RGS7: variants seen among roughly 807,000 people sequenced by gnomAD.
RGS7 encodes regulator of G protein signaling 7.
A neutral mutation model predicts 81.1 loss-of-function variants in RGS7; 27 were observed. That is an observed-to-expected ratio of 0.33 (90% CI 0.25 to 0.46). The LOEUF (loss-of-function observed/expected upper bound fraction) is 0.46. RGS7 is among the 20% of genes least tolerant of loss of function. The probability of loss-of-function intolerance (pLI) is 1.00; values close to 1 mark genes in which losing one functional copy is unlikely to be tolerated. For missense variants in RGS7, 396 were observed against 607.4 expected, an observed-to-expected ratio of 0.65 and a Z score of 3.66; for synonymous variants, 208 against 207.7, an observed-to-expected ratio of 1.00 and a Z score of -0.01.
intron 9 of RGS7, among the ~76,000 whole-genome samples, chr1:240,831,221 G>A (rs955376316): frequency 6.6e-6 from 1 of 152,132 alleles, no homozygotes; most frequent in Non-Finnish European, 1.5e-5. Flanking sequence ...TCATGGGACA[G>A]CTAATGGTTC....
intron 3 of RGS7, among the ~76,000 whole-genome samples, chr1:240,984,625 T>C (rs1685396003): frequency 6.6e-6 from 1 of 152,190 alleles, no homozygotes; most frequent in South Asian, 2.1e-4. Flanking sequence ...TGTATGTGAA[T>C]TGTTTGCATA....
chr1:241,166,885 C>T lies in RGS7; in HGVS notation c.79-68123G>A, dbSNP rs568696556. On this transcript the variant is annotated intron_variant, in intron 2 of 18. Transcript: ENST00000440928. ...TTCCTTCCAGAAGGCAGAATCAGGC[C>T]CCATGGAGTAAACCCCATATTCTCT... is the stretch of plus-strand genomic sequence containing the variant. Among the ~76,000 whole-genome samples, 45 of 152,212 alleles carry T rather than the reference C, an allele frequency of 3.0e-4. No homozygotes were observed. The Middle Eastern group carries it at 0.017, about 58-fold the overall frequency.
chr1:240,787,406 G>A (rs755499959), intron 18 of RGS7, among the ~76,000 whole-genome samples: 9 of 152,160 alleles, frequency 5.9e-5, no homozygotes, highest in Non-Finnish European at 1.3e-4. Context: ...ACAGGAACTT[G>A]CTTTAAACAA....
chr1:241,150,625 A>G (rs1024879138), intron 2 of RGS7, among the ~76,000 whole-genome samples: 1 of 152,204 alleles, frequency 6.6e-6, no homozygotes, highest in African/African-American at 2.4e-5. Flanking sequence ...AGACATCTTG[A>G]TATGTAGCCC....
At chr1:241,107,880 G>A (rs115809365) in intron 2 of RGS7, among the ~76,000 whole-genome samples, 434 of 152,224 alleles carry the variant, frequency 2.9e-3, no homozygotes, top group Non-Finnish European at 4.5e-3. Context: ...AAAGGCATTC[G>A]TTATCACCTT....
chr1:240,951,049 G>C (rs929217754), intron 4 of RGS7, among the ~76,000 whole-genome samples: 15 of 151,928 alleles, frequency 9.9e-5, no homozygotes, highest in African/African-American at 3.1e-4. Flanking sequence ...AGCCTTCCAA[G>C]TAGCTGAGAC....
intron 2 of RGS7, among the ~76,000 whole-genome samples, chr1:241,130,809 A>G (rs563563660): frequency 1.1e-3 from 162 of 151,040 alleles, no homozygotes; most frequent in Middle Eastern, 3.4e-3. Context: ...TTTTATTTTT[A>G]TAACATCCCT....
intron 9 of RGS7, among the ~76,000 whole-genome samples, chr1:240,840,538 G>A (rs866614828): frequency 4.0e-4 from 61 of 152,218 alleles, no homozygotes; most frequent in African/African-American, 1.4e-3. Context: ...TGCACAAAGT[G>A]CTGGGATTTC....
chr1:240,874,872 C>A (rs1665102912), intron 6 of RGS7, among the ~76,000 whole-genome samples: 1 of 152,014 alleles, frequency 6.6e-6, no homozygotes, highest in Non-Finnish European at 1.5e-5. Context: ...GAAACCCTAT[C>A]TCTACTAAAA....
intron 2 of RGS7, among the ~76,000 whole-genome samples, chr1:241,183,426 A>G (rs1204990394): frequency 1.3e-5 from 2 of 152,142 alleles, no homozygotes; most frequent in African/African-American, 4.8e-5. Flanking sequence ...AAATAACTAA[A>G]CAGGCCCTGT....
At chr1:240,999,173 T>G (rs1189916034) in intron 3 of RGS7, among the ~76,000 whole-genome samples, 2 of 151,976 alleles carry the variant, frequency 1.3e-5, no homozygotes, top group African/African-American at 4.8e-5. Flanking sequence ...TAACTTCTAT[T>G]TCTTTGCTGA....
chr1:241,192,252 C>CGTGTGTGTGTGTGT (rs56677676), intron 2 of RGS7, among the ~76,000 whole-genome samples: 4 of 124,676 alleles, frequency 3.2e-5, no homozygotes, highest in African/African-American at 1.3e-4. Context: ...TCTGTCTGCA[C>CGTGTGTGTGTGTGT]GTGTGTGTGT....
chr1:240,920,731 A>T (rs1266121402), intron 6 of RGS7: 39 of 593,610 alleles, frequency 6.6e-5, no homozygotes, highest in South Asian at 5.8e-4. Flanking sequence ...TGCTACAAAG[A>T]AGACATGTTT....
chr1:241,182,159 G>T (rs548579092), intron 2 of RGS7, among the ~76,000 whole-genome samples: 3 of 152,094 alleles, frequency 2.0e-5, no homozygotes, highest in African/African-American at 7.2e-5. Flanking sequence ...GTCCATTCAC[G>T]TCCCTGAACT....
At chr1:240,955,888 T>C (rs1680327887) in intron 4 of RGS7, among the ~76,000 whole-genome samples, 1 of 151,970 alleles carries the variant, frequency 6.6e-6, no homozygotes, top group Admixed American at 6.6e-5. Context: ...AATTGTATTA[T>C]AGACCTAAAT....
At chr1:241,094,193 T>G (rs1392105094) in intron 3 of RGS7, among the ~76,000 whole-genome samples, 1 of 151,090 alleles carries the variant, frequency 6.6e-6, no homozygotes, top group Non-Finnish European at 1.5e-5. Flanking sequence ...CACAGGGGCA[T>G]TACCCAGCCC....
intron 2 of RGS7, among the ~76,000 whole-genome samples, chr1:241,311,057 C>T (rs4660065): frequency 1.1e-4 from 17 of 152,074 alleles, no homozygotes; most frequent in Non-Finnish European, 1.3e-4. Context: ...TGATTCCTCG[C>T]TTATAAAATA....
At chr1:241,216,105 A>G (rs2074538164) in intron 2 of RGS7, among the ~76,000 whole-genome samples, 1 of 151,248 alleles carries the variant, frequency 6.6e-6, no homozygotes, top group South Asian at 2.1e-4. Context: ...CCCCATCTCT[A>G]TTAAAATATA....
In RGS7 at chr1:240,806,312, A is replaced by G. The variant is rs1404588640; in HGVS notation, c.1097T>C (p.Val366Ala). The G allele has an allele frequency of 5.6e-6, 9 of 1,613,714 alleles. No homozygotes were observed. The highest frequency in any genetic ancestry group is 7.6e-6 in the Non-Finnish European group (9 of 1,179,860). The change falls in exon 15 of 19, where the codon GTG (valine) becomes GCG (alanine). Residue 366 changes from valine (V) to alanine (A), a missense_variant. Physicochemically the swap from Val to Ala is moderately conservative, Grantham distance 64 (BLOSUM62 0). Transcript: ENST00000440928. ...AATAGGCCTCTTTTTCAGGTCCTCCACTGCCAGCCAGAATCTATGCAGAAT... is the reference window on the plus strand; with the variant it reads ...AATAGGCCTCTTTTTCAGGTCCTCCGCTGCCAGCCAGAATCTATGCAGAAT... ...SSENLRFWLA[V>A]EDLKKRPIKE...
Sources: gnomAD v4.1 joint callset for allele counts (sites outside exome capture counted in the v4.1 genomes callset) on GRCh38, gnomAD v4.1.1 for gene constraint, MANE v1.5 for transcripts, NCBI Gene and HGNC (gene_info 2026-07-23, HGNC 2026-07-21) for gene names.